The following ATP9A variants were observed in gnomAD, a reference collection of about 807,000 sequenced individuals.
ATP9A encodes ATPase phospholipid transporting 9A.
A neutral mutation model predicts 144.1 loss-of-function variants in ATP9A; 52 were observed. The ratio of observed to expected loss-of-function variants is 0.36; its 90% CI spans 0.29 to 0.45. The LOEUF (loss-of-function observed/expected upper bound fraction) is 0.45. ATP9A is among the 20% of genes least tolerant of loss of function. The pLI, the probability that ATP9A is intolerant of heterozygous loss-of-function variation, is 1.00. For synonymous variants in ATP9A, 582 were observed against 557.4 expected (o/e 1.04, Z -0.62); for missense variants, 947 against 1,392.7 (o/e 0.68, Z 5.09).
intron 1 of ATP9A, chr20:51,732,276 G>C (rs2077745196): frequency 6.6e-6 from 1 of 152,290 alleles, no homozygotes; most frequent in Non-Finnish European, 1.5e-5. Context: ...TCCCTCGCTG[G>C]ACCGCTCACC....
chr20:51,695,479 A>G (rs2077566882), intron 6 of ATP9A, among the ~76,000 whole-genome samples: 1 of 151,298 alleles, frequency 6.6e-6, no homozygotes, highest in East Asian at 1.9e-4. Context: ...AAAAAAAAAA[A>G]AAAAACTAAG....
intron 14 of ATP9A, among the ~76,000 whole-genome samples, chr20:51,641,820 A>T (rs2077320445): frequency 9.6e-6 from 1 of 104,650 alleles, no homozygotes; most frequent in African/African-American, 3.0e-5. Flanking sequence ...AACAAGAGCG[A>T]AACTCCATCT....
rs2077217973 is a variant in ATP9A at position 51,619,577 on chromosome 20, G to GGC, written c.2116-535_2116-534insGC. ...AGACTCGTCTTTTAAAAAAAAAAAA[G>GGC]GGGGGGGGGGGCCAGGTACGGTGGC... is the stretch of plus-strand genomic sequence containing the variant. On this transcript the variant is annotated intron_variant, in intron 19 of 27. Transcript: ENST00000338821. 1.8e-4 allele frequency among the ~76,000 whole-genome samples: 3 copies of GGC among 16,614 alleles called. No homozygotes were observed. The South Asian group carries it at 0.011, about 62-fold the overall frequency. The allele number at this position is 16,614 out of a possible 152,430, so 10.9% of individuals were successfully genotyped here.
chr20:51,627,631 G>A lies in ATP9A; in HGVS notation c.1814C>T (p.Ser605Phe). ...GTCCTGATACTGCTCCTCTGCAAGAGACTTCTTTGCCACCACGAGCACCCG... is the reference window on the plus strand; with the variant it reads ...GTCCTGATACTGCTCCTCTGCAAGAAACTTCTTTGCCACCACGAGCACCCG... ...GLRVLVVAKKSLAEEQYQDFE... is the reference protein window; with the variant it reads ...GLRVLVVAKKFLAEEQYQDFE... The change falls in exon 17 of 28, where the codon TCT becomes TTT. Residue 605 changes from serine (S) to phenylalanine (F), a missense_variant. Ser to Phe is a radical substitution (Grantham distance 155, BLOSUM62 -2). This residue lies in a region of ATP9A where 770 missense variants were observed against 1,047.9 expected (regional missense o/e 0.73). Transcript: ENST00000338821. 2.5e-6 allele frequency: 4 copies of A among 1,614,194 alleles called. No homozygotes were observed. The highest frequency in any genetic ancestry group is 3.4e-6 in the Non-Finnish European group (4 of 1,180,028).
intron 3 of ATP9A, among the ~76,000 whole-genome samples, chr20:51,722,000 C>T (rs912911198): frequency 3.9e-5 from 6 of 151,982 alleles, no homozygotes; most frequent in Admixed American, 3.3e-4. Flanking sequence ...GCACATAGAT[C>T]AATGGAACAG....
At chr20:51,727,705 AT>A (rs1312444608) in intron 2 of ATP9A, among the ~76,000 whole-genome samples, 2 of 152,144 alleles carry the variant, frequency 1.3e-5, no homozygotes, top group Non-Finnish European at 2.9e-5. Context: ...GCCGAGGCGG[AT>A]GAATCACGAG....
At chr20:51,689,940 G>A (rs529366231) in intron 8 of ATP9A, among the ~76,000 whole-genome samples, 100 of 150,350 alleles carry the variant, frequency 6.7e-4, no homozygotes, top group African/African-American at 2.2e-3. Flanking sequence ...GTGAAACCCC[G>A]TCTCTACTAA....
chr20:51,700,385 G>A (rs771275037), intron 4 of ATP9A, among the ~76,000 whole-genome samples: 3 of 152,142 alleles, frequency 2.0e-5, no homozygotes, highest in Non-Finnish European at 4.4e-5. Flanking sequence ...AGCCAGGTGT[G>A]GTGATGTGCA....
Position 51,696,152 on chromosome 20 carries a change from A to G in ATP9A, c.496-8T>C, listed in dbSNP as rs1192189904. On this transcript the variant is annotated splice_polypyrimidine_tract_variant and splice_region_variant and intron_variant, in intron 5 of 27. Coordinates refer to ENST00000338821, the MANE Select transcript of ATP9A (RefSeq NM_006045.3). ...GGCAGGGACCCGCTGGTTCTGTGTT[A>G]TGAAAAGAAAGACTGTTACTGTGAA... 6.2e-7 allele frequency: 1 copy of G among 1,613,460 alleles called. No homozygotes were observed. The highest frequency in any genetic ancestry group is 8.5e-7 in the Non-Finnish European group (1 of 1,179,546).
intron 26 of ATP9A, among the ~76,000 whole-genome samples, chr20:51,605,346 CG>C (rs1601050367): frequency 6.6e-6 from 1 of 152,260 alleles, no homozygotes; most frequent in East Asian, 1.9e-4. Flanking sequence ...CGGCCAGGCG[CG>C]GGGGCTCAGG....
At chr20:51,625,783 G>C (rs1265275657) in intron 17 of ATP9A, among the ~76,000 whole-genome samples, 2 of 152,204 alleles carry the variant, frequency 1.3e-5, no homozygotes, top group Admixed American at 6.5e-5. Flanking sequence ...AGACCAAGTC[G>C]AGCTTCTGAA....
chr20:51,617,393 T>C, intron 22 of ATP9A, 97 bp downstream of exon 22: 1 of 1,265,470 alleles, frequency 7.9e-7, no homozygotes, highest in Non-Finnish European at 1.1e-6. Context: ...TATCATTCTT[T>C]ATCTGGAATT....
Position 51,674,097 on chromosome 20 carries a change from T to C in ATP9A, c.1037+56A>G, listed in dbSNP as rs890979634. ...AAGCCACAGAACCATCATCTTTGAA[T>C]GAGTAAAGAGAAGAAGATGTCACGG... On this transcript the variant is annotated intron_variant, in intron 11 of 27. Transcript: ENST00000338821. 16 of 1,535,238 alleles carry C rather than the reference T, an allele frequency of 1.0e-5. No homozygotes were observed. The Admixed American group carries it at 1.7e-4, about 17-fold the overall frequency.
At chr20:51,677,843 A>T (rs2077483717) in intron 9 of ATP9A, among the ~76,000 whole-genome samples, 1 of 152,200 alleles carries the variant, frequency 6.6e-6, no homozygotes, top group Non-Finnish European at 1.5e-5. Flanking sequence ...TCAATCTAGT[A>T]AATAATCAAA....
intron 12 of ATP9A, 152 bp from the exon 13 acceptor site, chr20:51,670,261 G>A: frequency 1.6e-6 from 1 of 633,520 alleles, no homozygotes; most frequent in Non-Finnish European, 2.8e-6. Flanking sequence ...GCAGCATTTT[G>A]CCTGCCTAGA....
At chr20:51,702,762 C>T (rs1172652946) in intron 4 of ATP9A, among the ~76,000 whole-genome samples, 1 of 152,020 alleles carries the variant, frequency 6.6e-6, no homozygotes, top group Non-Finnish European at 1.5e-5. Flanking sequence ...GAGTCTTCTA[C>T]GAACATTGTT....
intron 14 of ATP9A, among the ~76,000 whole-genome samples, chr20:51,642,726 C>CAAAAAAAAAAAAAAAAAA (rs778440862): frequency 8.0e-4 from 25 of 31,138 alleles, no homozygotes; most frequent in East Asian, 1.4e-3. Context: ...ACTCTGTCTC[C>CAAAAAAAAAAAAAAAAAA]AAAAAAAAAA....
intron 9 of ATP9A, 42 bp downstream of exon 9, chr20:51,689,022 C>A: frequency 6.3e-7 from 1 of 1,593,178 alleles, no homozygotes; most frequent in Non-Finnish European, 8.6e-7. Flanking sequence ...GATTTTCTTT[C>A]CTTTTCAAAT....
intron 1 of ATP9A, among the ~76,000 whole-genome samples, chr20:51,755,938 G>C (rs574720757): frequency 1.3e-5 from 2 of 150,640 alleles, no homozygotes; most frequent in Admixed American, 6.7e-5. Flanking sequence ...CTGGGCGACA[G>C]AGCGAGACTC....
Sources: allele counts gnomAD v4.1 joint callset (sites outside exome capture counted in the v4.1 genomes callset), GRCh38; gene constraint gnomAD v4.1.1; regional missense constraint gnomAD v4.1.1; transcripts MANE v1.5; gene names NCBI Gene and HGNC (gene_info 2026-07-23, HGNC 2026-07-21).